The following PAK5 variants were observed in gnomAD, a reference collection of about 807,000 sequenced individuals.
PAK5 encodes the protein p21 (RAC1) activated kinase 5, also known as serine/threonine-protein kinase PAK 5.
PAK5 carries 16 observed loss-of-function variants against 65.9 expected under a neutral mutation model. The observed-to-expected ratio is 0.24, with a 90% confidence interval of 0.16 to 0.37. The LOEUF is 0.37. Ranked by LOEUF, PAK5 falls within the 10% of genes least tolerant of loss-of-function variation. The pLI, the probability that PAK5 is intolerant of heterozygous loss-of-function variation, is 1.00. For missense variants in PAK5, 785 were observed against 903.9 expected (o/e 0.87, Z 1.69); for synonymous variants, 371 against 354.9 (o/e 1.05, Z -0.51).
chr20:9,755,960 G>A (rs191283558), intron 1 of PAK5, among the ~76,000 whole-genome samples: 8 of 152,274 alleles, frequency 5.3e-5, no homozygotes, highest in Admixed American at 3.9e-4. Flanking sequence ...TCTGTTTACT[G>A]TCTGCCTTCC....
At chr20:9,650,481 T>G (rs2047189207) in intron 2 of PAK5, among the ~76,000 whole-genome samples, 1 of 152,220 alleles carries the variant, frequency 6.6e-6, no homozygotes. Context: ...AAAATTCCCT[T>G]GTTTTCTTGC....
In PAK5 at chr20:9,689,183, G is replaced by A. The variant is rs115482049; in HGVS notation, c.-12+22103C>T. Among the ~76,000 whole-genome samples the A allele has an allele frequency of 6.1e-3, 933 of 152,276 alleles. 11 individuals are homozygous for A. The highest frequency in any genetic ancestry group is 0.021 in the African/African-American group (882 of 41,544). ...TCATTTGTTTTCTGAGTCAGGAGGT[G>A]TCACTGCTCTGCAAACTCCCCTCTG... On this transcript the variant is annotated intron_variant, in intron 2 of 9. Transcript: ENST00000353224.
intron 3 of PAK5, among the ~76,000 whole-genome samples, chr20:9,619,307 T>C (rs1281215240): frequency 1.3e-5 from 2 of 152,218 alleles, no homozygotes; most frequent in Non-Finnish European, 2.9e-5. Flanking sequence ...AAGCCATGAC[T>C]GCTTTTGATC....
chr20:9,814,526 T>G (rs2123760995), intron 1 of PAK5, among the ~76,000 whole-genome samples: 1 of 152,310 alleles, frequency 6.6e-6, no homozygotes. Context: ...AGTTGCCAAT[T>G]AAAATATCAC....
intron 3 of PAK5, among the ~76,000 whole-genome samples, chr20:9,584,746 CAG>C (rs933154828): frequency 6.6e-6 from 1 of 152,218 alleles, no homozygotes; most frequent in African/African-American, 2.4e-5. Flanking sequence ...TAAAAGAAAA[CAG>C]AAACAGTTTG....
intron 3 of PAK5, among the ~76,000 whole-genome samples, chr20:9,624,257 A>T (rs2046811381): frequency 6.6e-6 from 1 of 152,202 alleles, no homozygotes; most frequent in Non-Finnish European, 1.5e-5. Context: ...ACTTTTGTCC[A>T]GTCCTATAGA....
chr20:9,786,248 G>A (rs2048991289), intron 1 of PAK5, among the ~76,000 whole-genome samples: 1 of 152,036 alleles, frequency 6.6e-6, no homozygotes, highest in African/African-American at 2.4e-5. Flanking sequence ...CTGGGAAGTT[G>A]AGTATTTGAG....
intron 3 of PAK5, among the ~76,000 whole-genome samples, chr20:9,643,823 G>A (rs2047099005): frequency 6.6e-6 from 1 of 152,096 alleles, no homozygotes; most frequent in Non-Finnish European, 1.5e-5. Context: ...TGGATAATAT[G>A]CTTCAGTATA....
intron 1 of PAK5, among the ~76,000 whole-genome samples, chr20:9,787,986 G>T (rs897834417): frequency 4.0e-5 from 6 of 151,136 alleles, no homozygotes; most frequent in African/African-American, 1.5e-4. Context: ...TGTGTGTTGG[G>T]GGGGGTATGT....
chr20:9,625,794 T>G (rs528887870), intron 3 of PAK5, among the ~76,000 whole-genome samples: 2 of 152,220 alleles, frequency 1.3e-5, no homozygotes, highest in Admixed American at 6.5e-5. Flanking sequence ...TTGCTGACAA[T>G]TTATAGGCTT....
intron 3 of PAK5, among the ~76,000 whole-genome samples, chr20:9,603,188 T>C (rs1411803106): frequency 2.0e-5 from 3 of 152,214 alleles, no homozygotes; most frequent in Non-Finnish European, 4.4e-5. Context: ...TACCTGCCAA[T>C]GACACAGTGA....
chr20:9,548,729 C>T (rs1228300766), intron 7 of PAK5, among the ~76,000 whole-genome samples: 2 of 152,206 alleles, frequency 1.3e-5, no homozygotes, highest in East Asian at 3.8e-4. Flanking sequence ...CATTGAAGCT[C>T]TTTCTGAAAA....
At chr20:9,638,338 C>T (rs2047007580) in intron 3 of PAK5, among the ~76,000 whole-genome samples, 1 of 152,218 alleles carries the variant, frequency 6.6e-6, no homozygotes, top group South Asian at 2.1e-4. Flanking sequence ...TTCAGGTTAT[C>T]TTGGCTAGCC....
chr20:9,644,460 G>A, intron 2 of PAK5, 121 bp from the exon 3 acceptor site: 1 of 647,270 alleles, frequency 1.5e-6, no homozygotes, highest in Non-Finnish European at 2.6e-6. Context: ...GATCCCAGCT[G>A]CAAAAGATAA....
In PAK5 at chr20:9,742,104, C is replaced by T. The variant is rs2048456865; in HGVS notation, c.-161-30669G>A. Among the ~76,000 whole-genome samples, 3 of 152,024 alleles carry T rather than the reference C, an allele frequency of 2.0e-5. No individual in the cohort carries two copies. In the South Asian group the frequency reaches 6.2e-4, roughly 32 times the overall value. ...TCATGTGCTATCCAACCCTCACCAC[C>T]CAAGGGTATCCAGGTGCCACACAGA... On this transcript the variant is annotated intron_variant, in intron 1 of 9. Transcript: ENST00000353224.
intron 1 of PAK5, among the ~76,000 whole-genome samples, chr20:9,718,818 T>C (rs2048181240): frequency 6.6e-6 from 1 of 152,196 alleles, no homozygotes; most frequent in African/African-American, 2.4e-5. Context: ...ACACGGATAA[T>C]TTTAACACTT....
chr20:9,799,396 A>G (rs1467309068), intron 1 of PAK5, among the ~76,000 whole-genome samples: 1 of 152,138 alleles, frequency 6.6e-6, no homozygotes, highest in East Asian at 1.9e-4. Context: ...ATGTACATGA[A>G]AAGGATAGAG....
At chr20:9,794,346 A>C (rs2049082556) in intron 1 of PAK5, among the ~76,000 whole-genome samples, 1 of 152,032 alleles carries the variant, frequency 6.6e-6, no homozygotes, top group South Asian at 2.1e-4. Flanking sequence ...AGAAAAATTT[A>C]AAAAATTTAA....
Position 9,539,474 on chromosome 20 carries a change from G to A in PAK5, c.2148C>T (p.Tyr716=), listed in dbSNP as rs768092673. 6.2e-7 allele frequency: 1 copy of A among 1,613,880 alleles called. No homozygotes were observed. Among genetic ancestry groups the A allele is most frequent in the Admixed American group, 1.7e-5 (1 of 60,002 alleles). The stretch of plus-strand genomic sequence containing the variant: ...ACGAATCCTCTGCTCAGTGATGCCT[G>A]TATTGTCTCATGAGGGGGACGATGC... The part of the protein sequence containing the change: ...PSCIVPLMRQ[Y]RHH Residue 716 remains tyrosine (Y), a synonymous_variant, in exon 10 of 10, where the codon TAC becomes TAT. Transcript: ENST00000353224.
Sources: allele counts gnomAD v4.1 joint callset (sites outside exome capture counted in the v4.1 genomes callset), GRCh38; gene constraint gnomAD v4.1.1; transcripts MANE v1.5; gene names NCBI Gene and HGNC (gene_info 2026-07-23, HGNC 2026-07-21).